The following TMEM178B variants were observed in gnomAD, a reference collection of about 807,000 sequenced individuals.
TMEM178B encodes the protein transmembrane protein 178B.
TMEM178B carries 5 observed loss-of-function variants against 31.0 expected under a neutral mutation model. The ratio of observed to expected loss-of-function variants is 0.16; its 90% confidence interval spans 0.08 to 0.34. The LOEUF (loss-of-function observed/expected upper bound fraction) is 0.34. TMEM178B is among the 10% of genes least tolerant of loss of function. The pLI is 1.00. For synonymous variants in TMEM178B, 164 were observed against 164.0 expected, an observed-to-expected ratio of 1.00 and a Z score of 0.00; for missense variants, 275 against 400.3, an observed-to-expected ratio of 0.69 and a Z score of 2.67.
At chr7:141,091,994 C>G (rs1036009814) in intron 1 of TMEM178B, among the ~76,000 whole-genome samples, 1 of 152,286 alleles carries the variant, frequency 6.6e-6, no homozygotes, top group African/African-American at 2.4e-5. Flanking sequence ...TCCCAAAGTG[C>G]TGGGATTATA....
chr7:141,238,859 C>G (rs557111779), intron 2 of TMEM178B, among the ~76,000 whole-genome samples: 8 of 152,342 alleles, frequency 5.3e-5, no homozygotes, highest in African/African-American at 1.9e-4. Context: ...AATTAATTAG[C>G]CCCCTTGGGA....
rs1392638403 is a variant in TMEM178B, at chr7:141,461,315, T to G, written c.635-9221T>G. 1.3e-5 allele frequency among the ~76,000 whole-genome samples: 2 copies of G among 152,114 alleles called. No individual in the cohort carries two copies. Among genetic ancestry groups the G allele is most frequent in the Non-Finnish European group, 2.9e-5 (2 of 68,036 alleles). ...TCAGAACATAGGCCCTCTCTCCACATAGCAACAAGAGAGGAAGCCAGGATT... is the reference window on the plus strand; with the variant it reads ...TCAGAACATAGGCCCTCTCTCCACAGAGCAACAAGAGAGGAAGCCAGGATT... On this transcript the variant is annotated intron_variant, in intron 3 of 3. Transcript: ENST00000565468. The surrounding 1 kb of genome is among the most constrained non-coding windows in gnomAD (Gnocchi z 4.0).
intron 2 of TMEM178B, among the ~76,000 whole-genome samples, chr7:141,246,596 G>T (rs1475031829): frequency 6.6e-6 from 1 of 152,190 alleles, no homozygotes; most frequent in African/African-American, 2.4e-5. Flanking sequence ...TGGCTTCCTG[G>T]AGGAGGCGGA....
chr7:141,348,010 C>T (rs1235360869), intron 2 of TMEM178B, among the ~76,000 whole-genome samples: 2 of 152,196 alleles, frequency 1.3e-5, no homozygotes, highest in Non-Finnish European at 2.9e-5. Context: ...ACAATATTTA[C>T]TAGCTGGGAG....
At chr7:141,450,964 T>C (rs1046928379) in intron 3 of TMEM178B, among the ~76,000 whole-genome samples, 2 of 152,262 alleles carry the variant, frequency 1.3e-5, no homozygotes, top group East Asian at 3.9e-4. Flanking sequence ...AAACAAAAGG[T>C]TACTGGGAAT....
chr7:141,378,191 C>T (rs879854274), intron 2 of TMEM178B, among the ~76,000 whole-genome samples: 6 of 152,072 alleles, frequency 3.9e-5, no homozygotes, highest in South Asian at 2.1e-4. Context: ...ATAGTTAGAC[C>T]GGGGTTACAG....
rs900407904 is a variant in TMEM178B at position 141,157,941 on chromosome 7, C to T, written c.383-54650C>T. Among the ~76,000 whole-genome samples the T allele has an allele frequency of 2.0e-5, 3 of 152,140 alleles. No homozygotes were observed. In the South Asian group the frequency reaches 6.2e-4, roughly 32 times the overall value. ...TCTGTGCCTCTAATGAACCACTCTC[C>T]CCTGCCTGGTGCATCTTTTCCTCTC... On this transcript the variant is annotated intron_variant, in intron 1 of 3. Coordinates refer to ENST00000565468, the MANE Select transcript of TMEM178B (RefSeq NM_001195278.2).
chr7:141,338,971 G>A (rs185139023), intron 2 of TMEM178B, among the ~76,000 whole-genome samples: 3 of 152,332 alleles, frequency 2.0e-5, no homozygotes, highest in Admixed American at 1.3e-4. Context: ...AATGTAAATT[G>A]TTATTTCAGA....
intron 1 of TMEM178B, among the ~76,000 whole-genome samples, chr7:141,133,652 G>A (rs537066997): frequency 1.6e-4 from 25 of 152,272 alleles, no homozygotes; most frequent in African/African-American, 4.3e-4. Flanking sequence ...AGGCAAAGGC[G>A]TAGAAAACCC....
At chr7:141,346,242 C>A (rs1231214565) in intron 2 of TMEM178B, among the ~76,000 whole-genome samples, 2 of 149,066 alleles carry the variant, frequency 1.3e-5, no homozygotes, top group East Asian at 4.1e-4. Context: ...CAAAAAAAAC[C>A]AAAAAACAAA....
intron 2 of TMEM178B, among the ~76,000 whole-genome samples, chr7:141,266,432 G>A (rs1798095880): frequency 6.6e-6 from 1 of 152,180 alleles, no homozygotes; most frequent in African/African-American, 2.4e-5. Context: ...GAGTGTAACT[G>A]CTTTCTCAAC....
intron 2 of TMEM178B, among the ~76,000 whole-genome samples, chr7:141,349,375 C>T (rs1173797526): frequency 3.3e-5 from 5 of 152,196 alleles, no homozygotes; most frequent in Middle Eastern, 6.8e-3. Flanking sequence ...TAAAAGCAGA[C>T]GTATTGCAGG....
chr7:141,508,771 G>T, the TMEM178B span, among the ~76,000 whole-genome samples: 1 of 152,144 alleles, frequency 6.6e-6, no homozygotes, highest in East Asian at 1.9e-4. Context: ...AATCGCACAG[G>T]AAAGACTGGC....
chr7:141,297,243 T>C (rs1007826307), intron 2 of TMEM178B: 2 of 152,280 alleles, frequency 1.3e-5, no homozygotes, highest in East Asian at 3.9e-4. Context: ...TTCTTTAAAG[T>C]AGAAGTTAAA....
chr7:141,389,137 C>T (rs563291755), intron 2 of TMEM178B, among the ~76,000 whole-genome samples: 10 of 152,256 alleles, frequency 6.6e-5, no homozygotes, highest in South Asian at 4.2e-4. Flanking sequence ...CTCCAGCCAG[C>T]GGAAACATGC....
intron 2 of TMEM178B, among the ~76,000 whole-genome samples, chr7:141,386,092 C>T (rs1004212626): frequency 2.6e-5 from 4 of 152,190 alleles, no homozygotes; most frequent in African/African-American, 9.7e-5. Context: ...AATCTTGGGC[C>T]TTATGAGCAG....
At chr7:141,150,112 G>A (rs1421272739) in intron 1 of TMEM178B, among the ~76,000 whole-genome samples, 1 of 152,108 alleles carries the variant, frequency 6.6e-6, no homozygotes, top group African/African-American at 2.4e-5. Context: ...AGCAGATTTG[G>A]GGAGGAAAAT....
At chr7:141,437,784 G>C in intron 3 of TMEM178B, 39 bp downstream of exon 3, 2 of 1,535,616 alleles carry the variant, frequency 1.3e-6, no homozygotes, top group Non-Finnish European at 1.7e-6. Context: ...GCAGTGGACA[G>C]GGTCCTGTTT....
intron 2 of TMEM178B, among the ~76,000 whole-genome samples, chr7:141,332,462 G>A (rs1314498220): frequency 6.6e-6 from 1 of 152,138 alleles, no homozygotes; most frequent in African/African-American, 2.4e-5. Context: ...CACGATTTCT[G>A]CAACCCATGA....
Sources: gnomAD v4.1 joint callset for allele counts (sites outside exome capture counted in the v4.1 genomes callset) on GRCh38, gnomAD v4.1.1 for gene constraint, Gnocchi (gnomAD v3.1) non-coding constraint, MANE v1.5 for transcripts, NCBI Gene and HGNC (gene_info 2026-07-23, HGNC 2026-07-21) for gene names.